COX10: variants seen among roughly 807,000 people sequenced by gnomAD.
COX10 encodes the protein cytochrome c oxidase assembly factor heme A:farnesyltransferase COX10, also known as protoheme IX farnesyltransferase, mitochondrial.
In COX10, 27 loss-of-function variants were observed where a neutral mutation model predicts 37.3. That is an observed-to-expected ratio of 0.72 (90% CI 0.53 to 1.00). COX10 has a LOEUF of 1.00. COX10 is among the 50% of genes least tolerant of loss of function. COX10 has a pLI of 0.00. For missense variants in COX10, 475 were observed against 563.2 expected (o/e 0.84, Z 1.59); for synonymous variants, 222 against 229.1 (o/e 0.97, Z 0.28).
chr17:14,181,738 G>A (rs1355354786), intron 5 of COX10, among the ~76,000 whole-genome samples: 1 of 152,100 alleles, frequency 6.6e-6, no homozygotes, highest in South Asian at 2.1e-4. Flanking sequence ...CAGGAGTAAT[G>A]GAGGGATTCA....
intron 5 of COX10, among the ~76,000 whole-genome samples, chr17:14,166,785 C>CTTTTTTTTT (rs57127092): frequency 0.03 from 2,994 of 100,122 alleles, 3 homozygotes; most frequent in Middle Eastern, 0.082. Flanking sequence ...CTATTTCTTT[C>CTTTTTTTTT]TTTTTTTTTT....
chr17:14,094,055 C>A (rs189480582), intron 3 of COX10, among the ~76,000 whole-genome samples: 2 of 151,910 alleles, frequency 1.3e-5, no homozygotes, highest in East Asian at 1.9e-4. Flanking sequence ...CAAAACCCTG[C>A]CTCTGAAAAA....
intron 5 of COX10, among the ~76,000 whole-genome samples, chr17:14,181,308 A>G (rs1324397598): frequency 6.6e-6 from 1 of 152,012 alleles, no homozygotes; most frequent in Non-Finnish European, 1.5e-5. Flanking sequence ...CAAATCCTGA[A>G]GAAGCATTTT....
At chr17:14,127,733 A>G (rs1916375352) in intron 4 of COX10, among the ~76,000 whole-genome samples, 1 of 152,144 alleles carries the variant, frequency 6.6e-6, no homozygotes, top group African/African-American at 2.4e-5. Context: ...TTGTATTTAA[A>G]AATTAAAAGT....
chr17:14,072,418 A>C (rs1915047203), intron 1 of COX10, among the ~76,000 whole-genome samples: 1 of 152,028 alleles, frequency 6.6e-6, no homozygotes, highest in African/African-American at 2.4e-5. Context: ...ACGGGGTTTC[A>C]CTGTGTTGGC....
At position 14,134,351 on chromosome 17, in the gene COX10, G is replaced by A. The variant is rs113611478; in HGVS notation, c.625-25526G>A. ...AAATACAAAGTTATCTTTTCTATCA[G>A]CTTTTTTTTCAATCATCAAGAAATC... On this transcript the variant is annotated intron_variant, in intron 4 of 6. Transcript: ENST00000261643. 2.1e-3 allele frequency among the ~76,000 whole-genome samples: 313 copies of A among 151,766 alleles called. 3 individuals carry two copies. The highest frequency in any genetic ancestry group is 7.1e-3 in the African/African-American group (294 of 41,482).
rs1567604515 is a variant in COX10 at position 14,159,872 on chromosome 17, T to A, written c.625-5T>A. On this transcript the variant is annotated splice_region_variant and splice_polypyrimidine_tract_variant and intron_variant, in intron 4 of 6. Transcript: ENST00000261643. ...GTTTTCTGTCTTTTTTCATTCTTTT[T>A]ACAGTTTTTTGAGGTGCCATTTGAC... The A allele has an allele frequency of 1.4e-5, 23 of 1,607,316 alleles. No homozygotes were observed. Among genetic ancestry groups the A allele is most frequent in the African/African-American group, 5.3e-5 (4 of 74,826 alleles).
At chr17:14,166,685 C>T (rs1201095585) in intron 5 of COX10, among the ~76,000 whole-genome samples, 3 of 141,020 alleles carry the variant, frequency 2.1e-5, no homozygotes, top group Non-Finnish European at 4.5e-5. Context: ...GATCTCAGCT[C>T]ACTGCAACCT....
intron 3 of COX10, among the ~76,000 whole-genome samples, chr17:14,089,338 A>T (rs1375874621): frequency 6.6e-6 from 1 of 152,230 alleles, no homozygotes; most frequent in African/African-American, 2.4e-5. Flanking sequence ...CTTGGCATTT[A>T]CTTTTCCATT....
At chr17:14,140,989 G>C (rs1402395292) in intron 4 of COX10, among the ~76,000 whole-genome samples, 1 of 151,888 alleles carries the variant, frequency 6.6e-6, no homozygotes, top group Non-Finnish European at 1.5e-5. Context: ...ACAAACTAGT[G>C]TCTACTGCTA....
intron 4 of COX10, among the ~76,000 whole-genome samples, chr17:14,135,226 CT>C (rs1164938559): frequency 6.6e-6 from 1 of 151,544 alleles, no homozygotes; most frequent in Admixed American, 6.6e-5. Context: ...TTATTTTAAT[CT>C]TTTTCTTTAT....
At chr17:14,203,145 C>A (rs1188288488) in intron 6 of COX10, among the ~76,000 whole-genome samples, 2 of 152,010 alleles carry the variant, frequency 1.3e-5, no homozygotes, top group Non-Finnish European at 2.9e-5. Flanking sequence ...CATCTGTTTA[C>A]CAGGTTAATG....
At chr17:14,189,538 T>A (rs917105968) in intron 5 of COX10, among the ~76,000 whole-genome samples, 1 of 152,258 alleles carries the variant, frequency 6.6e-6, no homozygotes, top group Admixed American at 6.5e-5. Context: ...TGCTTCTGTT[T>A]TAGCAGAATT....
chr17:14,168,969 G>C (rs1386638811), intron 5 of COX10, among the ~76,000 whole-genome samples: 1 of 152,172 alleles, frequency 6.6e-6, no homozygotes, highest in East Asian at 1.9e-4. Flanking sequence ...CCAGAAAATG[G>C]GTTTTTCTTT....
chr17:14,095,843 C>T (rs1882653559), intron 3 of COX10, among the ~76,000 whole-genome samples: 1 of 152,192 alleles, frequency 6.6e-6, no homozygotes. Context: ...GTAGTGCTTG[C>T]TTTGCCCTTG....
intron 4 of COX10, among the ~76,000 whole-genome samples, chr17:14,106,450 A>T (rs542671271): frequency 6.6e-6 from 1 of 152,324 alleles, no homozygotes; most frequent in African/African-American, 2.4e-5. Context: ...TTTTAGCTAA[A>T]TCTTTGCATA....
intron 6 of COX10, among the ~76,000 whole-genome samples, chr17:14,203,508 G>A (rs1268943848): frequency 6.6e-6 from 1 of 152,124 alleles, no homozygotes; most frequent in Non-Finnish European, 1.5e-5. Context: ...ACTCAGAAAT[G>A]ATTAAGTTTC....
At chr17:14,116,071 A>G (rs72816644) in intron 4 of COX10, among the ~76,000 whole-genome samples, 20,462 of 152,218 alleles carry the variant, frequency 0.13, 1,774 homozygotes, top group Non-Finnish European at 0.18. Flanking sequence ...GTTAATGGCA[A>G]TGTAAAAGTT....
chr17:14,072,922 G>A (rs571367614), intron 1 of COX10, among the ~76,000 whole-genome samples: 59 of 152,276 alleles, frequency 3.9e-4, no homozygotes, highest in African/African-American at 1.3e-3. Flanking sequence ...ATTAGATGAT[G>A]GGAACAATTT....
Sources: allele counts gnomAD v4.1 joint callset (sites outside exome capture counted in the v4.1 genomes callset), GRCh38; gene constraint gnomAD v4.1.1; transcripts MANE v1.5; gene names NCBI Gene and HGNC (gene_info 2026-07-23, HGNC 2026-07-21).